PIBF1: variants seen among roughly 807,000 people sequenced by gnomAD.
PIBF1 encodes progesterone-induced-blocking factor 1.
In PIBF1, 90 loss-of-function variants were observed where a neutral mutation model predicts 112.5. That is an observed-to-expected ratio of 0.80 (90% confidence interval 0.67 to 0.95). PIBF1 has a LOEUF of 0.95. PIBF1 is among the 40% of genes least tolerant of loss of function. PIBF1 has a pLI of 0.00. For synonymous variants in PIBF1, 301 were observed against 288.6 expected (o/e 1.04, Z -0.44); for missense variants, 915 against 852.3 (o/e 1.07, Z -0.92).
chr13:73,005,104 G>A (rs779880589), intron 17 of PIBF1, among the ~76,000 whole-genome samples: 1 of 152,128 alleles, frequency 6.6e-6, no homozygotes, highest in African/African-American at 2.4e-5. Context: ...GAACCTGGGA[G>A]GGGGAGGTTG....
intron 14 of PIBF1, among the ~76,000 whole-genome samples, chr13:72,931,885 A>G (rs868034608): frequency 9.5e-5 from 14 of 146,780 alleles, no homozygotes; most frequent in Admixed American, 1.4e-4. Flanking sequence ...TATTTATTTA[A>G]TATTCCTGAG....
intron 1 of PIBF1, among the ~76,000 whole-genome samples, chr13:72,782,808 A>G (rs1042786599): frequency 5.3e-5 from 8 of 151,826 alleles, no homozygotes; most frequent in African/African-American, 1.9e-4. Context: ...ATGATGCCTC[A>G]TTGCCTGTAG....
chr13:72,983,642 T>C (rs1008720482), intron 16 of PIBF1, among the ~76,000 whole-genome samples: 2 of 152,206 alleles, frequency 1.3e-5, no homozygotes. Context: ...CTAACTCATA[T>C]GTTCTTTGCG....
rs71099771 is a variant in PIBF1, at chr13:72,949,300, C to CTTTTTTTTTTT, written c.1834-15951_1834-15941dup. ...AACTACTACCTAGACAAATAGCTGT[C>CTTTTTTTTTTT]TTTTTTTTTTTTTTTTTTTTTTTTT... is the stretch of plus-strand genomic sequence containing the variant. On this transcript the variant is annotated intron_variant, in intron 14 of 17. Transcript: ENST00000326291. 2.0e-3 allele frequency among the ~76,000 whole-genome samples: 109 copies of CTTTTTTTTTTT among 54,980 alleles called. 22 individuals are homozygous for CTTTTTTTTTTT. The highest frequency in any genetic ancestry group is 2.8e-3 in the Non-Finnish European group (90 of 31,598). 36.1% of individuals were successfully genotyped at this position (54,980 alleles called of 152,430 possible). A position where few individuals can be genotyped will look rare whatever the true frequency, so the allele number is the denominator to read the frequency against.
In PIBF1 at chr13:72,990,285, C is replaced by T. The variant is rs574274424; in HGVS notation, c.2050-8537C>T. Among the ~76,000 whole-genome samples, 281 of 150,440 alleles carry T rather than the reference C, an allele frequency of 1.9e-3. 1 individual carries two copies. The highest frequency in any genetic ancestry group is 2.8e-3 in the Non-Finnish European group (189 of 67,678). ...CTGTAATCCCAGCACTTTGGGAGGCCGAGGCAGGTGGATCACCTGAGACCA... is the reference window on the plus strand; with the variant it reads ...CTGTAATCCCAGCACTTTGGGAGGCTGAGGCAGGTGGATCACCTGAGACCA... On this transcript the variant is annotated intron_variant, in intron 16 of 17. Transcript: ENST00000326291.
chr13:72,783,116 G>A (rs574820072), intron 1 of PIBF1, among the ~76,000 whole-genome samples: 1 of 152,060 alleles, frequency 6.6e-6, no homozygotes. Flanking sequence ...AGCATGTGTT[G>A]GTTTTAGTGG....
intron 10 of PIBF1, among the ~76,000 whole-genome samples, chr13:72,880,311 GA>G (rs2039573687): frequency 6.6e-6 from 1 of 152,112 alleles, no homozygotes; most frequent in Non-Finnish European, 1.5e-5. Context: ...ATGGTTTATA[GA>G]AAAACATGGA....
At chr13:72,801,838 T>C (rs968717711) in intron 5 of PIBF1, among the ~76,000 whole-genome samples, 27 of 152,228 alleles carry the variant, frequency 1.8e-4, no homozygotes, top group Non-Finnish European at 1.5e-5. Flanking sequence ...TCACCAGTGA[T>C]GCTGGAAGAG....
At position 72,844,206 on chromosome 13, in the gene PIBF1, G is replaced by A. The variant is rs566773194; in HGVS notation, c.1223+8838G>A. On this transcript the variant is annotated intron_variant, in intron 9 of 17. Coordinates refer to ENST00000326291, the MANE Select transcript of PIBF1 (RefSeq NM_006346.4). ...CCTGTGATTATTATAAACATTTGTTGGTAAAAACTAGATACATCTGACTCT... is the reference window on the plus strand; with the variant it reads ...CCTGTGATTATTATAAACATTTGTTAGTAAAAACTAGATACATCTGACTCT... Among the ~76,000 whole-genome samples the A allele has an allele frequency of 1.3e-4, 20 of 152,146 alleles. No individual in the cohort carries two copies. The South Asian group carries it at 1.9e-3, about 14-fold the overall frequency.
intron 11 of PIBF1, among the ~76,000 whole-genome samples, chr13:72,898,151 C>G (rs1165441262): frequency 6.6e-6 from 1 of 152,062 alleles, no homozygotes; most frequent in African/African-American, 2.4e-5. Context: ...AAATCAACTC[C>G]AAAAGGAACC....
intron 9 of PIBF1, among the ~76,000 whole-genome samples, chr13:72,841,358 G>A (rs560848240): frequency 5.3e-5 from 8 of 152,160 alleles, no homozygotes; most frequent in Admixed American, 2.6e-4. Flanking sequence ...TTCTGTGAGT[G>A]GGAGTATATT....
At chr13:72,911,206 C>T (rs1236482057) in intron 12 of PIBF1, among the ~76,000 whole-genome samples, 1 of 152,028 alleles carries the variant, frequency 6.6e-6, no homozygotes, top group Non-Finnish European at 1.5e-5. Context: ...AAAAAAAGAA[C>T]AAATTGGAAG....
chr13:72,983,384 C>T (rs1270551691), intron 16 of PIBF1, among the ~76,000 whole-genome samples: 1 of 152,102 alleles, frequency 6.6e-6, no homozygotes, highest in African/African-American at 2.4e-5. Context: ...CTTCTCAGGG[C>T]CCACAGTCAT....
intron 16 of PIBF1, among the ~76,000 whole-genome samples, chr13:72,998,309 T>C (rs2043745281): frequency 6.6e-6 from 1 of 152,008 alleles, no homozygotes; most frequent in Non-Finnish European, 1.5e-5. Context: ...TCTTCAAAAA[T>C]TCCAAAATAC....
chr13:72,836,641 C>G (rs550627705), intron 9 of PIBF1, among the ~76,000 whole-genome samples: 1 of 152,132 alleles, frequency 6.6e-6, no homozygotes, highest in Non-Finnish European at 1.5e-5. Flanking sequence ...GATTTTTATG[C>G]TAATGCCTCT....
intron 16 of PIBF1, among the ~76,000 whole-genome samples, chr13:72,979,136 A>G (rs572156475): frequency 6.6e-6 from 1 of 152,210 alleles, no homozygotes; most frequent in Non-Finnish European, 1.5e-5. Context: ...TTAAGGCTGC[A>G]GTGAATCATA....
At chr13:72,873,208 G>A (rs1269313442) in intron 10 of PIBF1, among the ~76,000 whole-genome samples, 2 of 152,014 alleles carry the variant, frequency 1.3e-5, no homozygotes, top group Non-Finnish European at 2.9e-5. Context: ...AACAAATCTT[G>A]CTAAACCATT....
chr13:72,932,848 C>A (rs2041752178), intron 14 of PIBF1, among the ~76,000 whole-genome samples: 1 of 152,188 alleles, frequency 6.6e-6, no homozygotes. Context: ...AGCCAGCCCA[C>A]AAAATTCCTA....
chr13:72,948,374 C>T (rs745537711), intron 14 of PIBF1, among the ~76,000 whole-genome samples: 2 of 152,126 alleles, frequency 1.3e-5, no homozygotes, highest in South Asian at 2.1e-4. Flanking sequence ...CCAAGAAGTT[C>T]CTCATCTCCA....
Sources: allele counts gnomAD v4.1 joint callset (sites outside exome capture counted in the v4.1 genomes callset), GRCh38; gene constraint gnomAD v4.1.1; transcripts MANE v1.5; gene names NCBI Gene and HGNC (gene_info 2026-07-23, HGNC 2026-07-21).